The following KLHL38 variants were observed in gnomAD, a reference collection of about 807,000 sequenced individuals.
KLHL38 encodes the protein kelch like family member 38.
In KLHL38, 38 loss-of-function variants were observed where a neutral mutation model predicts 39.6. The ratio of observed to expected loss-of-function variants is 0.96; its 90% CI spans 0.74 to 1.26. The LOEUF is 1.26. Among genes scored for constraint, KLHL38 ranks in the 50% most tolerant of loss-of-function variants. KLHL38 has a pLI of 0.00. For missense variants in KLHL38, 803 were observed against 748.1 expected (o/e 1.07, Z -0.86); for synonymous variants, 322 against 302.2 (o/e 1.07, Z -0.68).
rs967867698 is a variant in KLHL38 at position 123,652,537 on chromosome 8, C to T, written c.390G>A (p.Gln130=). Residue 130 remains glutamine (Q), a synonymous_variant, in exon 2 of 4, where the codon CAG becomes CAA. Transcript: ENST00000684634. Reference sequence around the variant, plus strand: ...TACCCAGGCAGTTGCTGGGGGCCAACTGGCTCTGCAAGTACGAGGAGCAGG... The same window carrying T: ...TACCCAGGCAGTTGCTGGGGGCCAATTGGCTCTGCAAGTACGAGGAGCAGG... ...FEACSSYLQS[Q]LAPSNCLGMI... The T allele has an allele frequency of 5.5e-5, 89 of 1,614,110 alleles. No individual in the cohort carries two copies. Among genetic ancestry groups the T allele is most frequent in the Non-Finnish European group, 7.5e-5 (88 of 1,180,056 alleles).
intron 2 of KLHL38, among the ~76,000 whole-genome samples, chr8:123,648,422 G>A (rs1818697041): frequency 6.6e-6 from 1 of 152,162 alleles, no homozygotes; most frequent in South Asian, 2.1e-4. Context: ...AGTGAATCCT[G>A]GAAGAGGCCA....
chr8:123,652,997 G>T (rs1198029053), intron 1 of KLHL38, 70 bp from the exon 2 acceptor site: 3 of 1,468,894 alleles, frequency 2.0e-6, no homozygotes, highest in African/African-American at 2.8e-5. Context: ...GTGCTGGAGG[G>T]TTCAGCTGTG....
chr8:123,646,172 T>C (rs1374017067), intron 3 of KLHL38, 144 bp from the exon 4 acceptor site: 3 of 710,350 alleles, frequency 4.2e-6, no homozygotes, highest in Admixed American at 5.0e-5. Flanking sequence ...TGAGCTAACC[T>C]GCCAAGGCCT....
intron 2 of KLHL38, among the ~76,000 whole-genome samples, chr8:123,647,803 G>A (rs1818687530): frequency 6.6e-6 from 1 of 152,224 alleles, no homozygotes; most frequent in South Asian, 2.1e-4. Flanking sequence ...ACGAGGCCGG[G>A]TGCGGTGGCT....
At chr8:123,648,698 C>T (rs1400882793) in intron 2 of KLHL38, among the ~76,000 whole-genome samples, 1 of 152,052 alleles carries the variant, frequency 6.6e-6, no homozygotes, top group South Asian at 2.1e-4. Flanking sequence ...GTCAAGGAAG[C>T]GATATTTTGT....
At chr8:123,649,986 C>T (rs1235780495) in intron 2 of KLHL38, among the ~76,000 whole-genome samples, 1 of 152,142 alleles carries the variant, frequency 6.6e-6, no homozygotes, top group South Asian at 2.1e-4. Flanking sequence ...ACTCTGACTC[C>T]GGCTTCAGGA....
At chr8:123,649,313 G>A (rs1321095391) in intron 2 of KLHL38, among the ~76,000 whole-genome samples, 2 of 152,150 alleles carry the variant, frequency 1.3e-5, no homozygotes, top group East Asian at 3.9e-4. Context: ...TTCAAGTAGA[G>A]GAGTGGGATT....
At position 123,651,747 on chromosome 8, in the gene KLHL38, C is replaced by A. The variant is rs16898691; in HGVS notation, c.1180G>T (p.Gly394Trp). ...TCCATGGAGCCCATGAGCTCCTGCC[C>A]TTCTCCAATCCCCCCGATGGAGAAG... The part of the protein sequence containing the change: ...FIFSIGGIGE[G>W]QELMGSMERY... The change falls in exon 2 of 4, where the codon GGG becomes TGG. Residue 394 changes from glycine to tryptophan, a missense_variant. By Grantham distance (184) the Gly-to-Trp change is radical. Coordinates refer to ENST00000684634, the MANE Select transcript of KLHL38 (RefSeq NM_001081675.3). 6.2e-6 allele frequency: 10 copies of A among 1,614,142 alleles called. No homozygotes were observed. The highest frequency in any genetic ancestry group is 1.3e-5 in the African/African-American group (1 of 75,050).
chr8:123,652,980 G>A, intron 1 of KLHL38, 53 bp from the exon 2 acceptor site: 1 of 1,523,126 alleles, frequency 6.6e-7, no homozygotes, highest in East Asian at 2.3e-5. Context: ...ACCTTTCTCA[G>A]CTGCATGTGC....
intron 2 of KLHL38, among the ~76,000 whole-genome samples, chr8:123,648,076 T>C (rs564231449): frequency 6.6e-6 from 1 of 152,150 alleles, no homozygotes; most frequent in African/African-American, 2.4e-5. Flanking sequence ...GCGAAACTCC[T>C]TCTCAAAAAA....
chr8:123,650,214 G>T (rs1812614677), intron 2 of KLHL38, among the ~76,000 whole-genome samples: 1 of 152,062 alleles, frequency 6.6e-6, no homozygotes, highest in Admixed American at 6.5e-5. Flanking sequence ...TGGACCAGCG[G>T]TGTCCAATCT....
intron 1 of KLHL38, among the ~76,000 whole-genome samples, chr8:123,653,152 T>C (rs144459539): frequency 6.6e-6 from 1 of 152,316 alleles, no homozygotes; most frequent in African/African-American, 2.4e-5. Flanking sequence ...TCAAAAGTAA[T>C]AGGCAAATAG....
At chr8:123,651,501 T>C in intron 2 of KLHL38, 76 bp downstream of exon 2, 1 of 1,447,148 alleles carries the variant, frequency 6.9e-7, no homozygotes, top group Non-Finnish European at 9.2e-7. Context: ...CATGTGCATG[T>C]GTGTGCAAGC....
At chr8:123,653,359 G>C (rs1314481255) in intron 1 of KLHL38, among the ~76,000 whole-genome samples, 4 of 152,150 alleles carry the variant, frequency 2.6e-5, no homozygotes, top group Non-Finnish European at 5.9e-5. Context: ...CTCTCTTTCT[G>C]GGTGTCAATC....
Position 123,649,109 on chromosome 8 carries a change from T to A in KLHL38, c.1351-2095A>T, listed in dbSNP as rs954909472. 5.9e-5 allele frequency among the ~76,000 whole-genome samples: 9 copies of A among 152,238 alleles called. 1 individual carries two copies. The highest frequency in any genetic ancestry group is 2.9e-5 in the Non-Finnish European group (2 of 68,038). On this transcript the variant is annotated intron_variant, in intron 2 of 3. Transcript: ENST00000684634. ...TGATGGTACTATACATTTCTTGATA[T>A]GCTAGCTTGAAGCTTAAACTCTGAG...
In KLHL38 at chr8:123,645,895, C is replaced by T. The variant is rs146479735; in HGVS notation, c.1590G>A (p.Arg530=). 2.3e-3 allele frequency: 3,763 copies of T among 1,614,050 alleles called. 6 individuals carry two copies. Among genetic ancestry groups the T allele is most frequent in the Non-Finnish European group, 2.8e-3 (3,325 of 1,180,004 alleles). The change falls in exon 4 of 4, where the codon CGG becomes CGA. Residue 530 remains arginine, a synonymous_variant. Transcript: ENST00000684634. ...GNKLYVTGGR[R]LTTDCNIEDS... ...CCTCAATGTTGCAGTCCGTGGTCAGCCGCCGCCCGCCCGTCACGTAGAGTT... is the reference window on the plus strand; with the variant it reads ...CCTCAATGTTGCAGTCCGTGGTCAGTCGCCGCCCGCCCGTCACGTAGAGTT...
In KLHL38 at chr8:123,644,545, A is replaced by G. The variant is rs1818624331; in HGVS notation, c.*1194T>C. On this transcript the variant is annotated 3_prime_UTR_variant, in exon 4 of 4. Transcript: ENST00000684634. ...TCTGGAATTTCAATGTACTACATCC[A>G]TAGAATGCAGAAAAACAAGGTCAGG... 6.6e-6 allele frequency among the ~76,000 whole-genome samples: 1 copy of G among 152,230 alleles called. No homozygotes were observed. Among genetic ancestry groups the G allele is most frequent in the Non-Finnish European group, 1.5e-5 (1 of 68,044 alleles).
In KLHL38 at chr8:123,652,289, C is replaced by T. The variant is rs138513522; in HGVS notation, c.638G>A (p.Arg213Gln). 58 of 1,614,020 alleles carry T rather than the reference C, an allele frequency of 3.6e-5. 1 individual carries two copies. In the South Asian group the frequency reaches 3.8e-4, roughly 11 times the overall value. Residue 213 changes from arginine to glutamine, a missense_variant, in exon 2 of 4, where the codon CGA becomes CAA. Physicochemically the swap from Arg to Gln is conservative, Grantham distance 43 (BLOSUM62 1). Transcript: ENST00000684634. ...WIKHDLQARKRYMQELFKQVR... is the reference protein window; with the variant it reads ...WIKHDLQARKQYMQELFKQVR... Reference sequence around the variant, plus strand: ...CTGCTTGAACAGTTCCTGCATGTATCGCTTCCGGGCCTGGAGGTCATGCTT... The same window carrying T: ...CTGCTTGAACAGTTCCTGCATGTATTGCTTCCGGGCCTGGAGGTCATGCTT...
In KLHL38 at chr8:123,652,526, C is replaced by T; in HGVS notation, c.401G>A (p.Ser134Asn). 4 of 1,614,210 alleles carry T rather than the reference C, an allele frequency of 2.5e-6. No individual in the cohort carries two copies. The highest frequency in any genetic ancestry group is 3.4e-6 in the Non-Finnish European group (4 of 1,180,040). Residue 134 changes from serine to asparagine, a missense_variant, in exon 2 of 4, where the codon AGC becomes AAC. Transcript: ENST00000684634. ...SSYLQSQLAP[S>N]NCLGMIRLSE... ...GAGTCTGATCATACCCAGGCAGTTG[C>T]TGGGGGCCAACTGGCTCTGCAAGTA... is the stretch of plus-strand genomic sequence containing the variant.
Sources: gnomAD v4.1 joint callset for allele counts (sites outside exome capture counted in the v4.1 genomes callset) on GRCh38, gnomAD v4.1.1 for gene constraint, MANE v1.5 for transcripts, NCBI Gene and HGNC (gene_info 2026-07-23, HGNC 2026-07-21) for gene names.